Variants in NPC1 observed in about 807,000 individuals in gnomAD.
NPC1 encodes the protein NPC intracellular cholesterol transporter 1.
A neutral mutation model predicts 140.4 loss-of-function variants in NPC1; 85 were observed. The ratio of observed to expected loss-of-function variants is 0.61; its 90% CI spans 0.51 to 0.72. The LOEUF is 0.72. Among genes scored for constraint, NPC1 ranks in the 30% least tolerant of loss-of-function variants. The probability of loss-of-function intolerance (pLI) is 0.00; values close to 1 mark genes in which losing one functional copy is unlikely to be tolerated. For synonymous variants in NPC1, 656 were observed against 624.8 expected (o/e 1.05, Z -0.74); for missense variants, 1,504 against 1,623.8 (o/e 0.93, Z 1.27).
At chr18:23,514,557 CA>C (rs879753932) in intron 3 of NPC1, among the ~76,000 whole-genome samples, 2,392 of 132,912 alleles carry the variant, frequency 0.018, 49 homozygotes, top group African/African-American at 0.056. Context: ...AACTCCGTCT[CA>C]AAAAAAAAAA....
downstream of NPC1, among the ~76,000 whole-genome samples, chr18:23,522,018 G>A (rs556088213): frequency 7.9e-5 from 12 of 152,312 alleles, no homozygotes; most frequent in South Asian, 2.1e-4. Context: ...GGCATTGGGC[G>A]GGTTGACCCA....
chr18:23,535,423 A>G, intron 22 of NPC1, 46 bp downstream of exon 22: 1 of 1,364,492 alleles, frequency 7.3e-7, no homozygotes, highest in Non-Finnish European at 1.0e-6. Flanking sequence ...AATTCCCCCA[A>G]GTGAAACAGG....
intron 11 of NPC1, among the ~76,000 whole-genome samples, chr18:23,546,248 CAAAAAAAAAAAAAAAAAA>C (rs60021403): frequency 4.4e-5 from 2 of 45,548 alleles, no homozygotes; most frequent in African/African-American, 1.0e-4. Flanking sequence ...GACTCTGTCT[CAAAAAAAAAAAAAAAAAA>C]AAAAAAAAAA....
intron 10 of NPC1, among the ~76,000 whole-genome samples, chr18:23,551,214 C>A (rs2145431348): frequency 6.6e-6 from 1 of 152,324 alleles, no homozygotes; most frequent in African/African-American, 2.4e-5. Context: ...AATCCATCAA[C>A]TTTGTTTCTT....
At chr18:23,568,543 A>T (rs906493855) in intron 4 of NPC1, among the ~76,000 whole-genome samples, 1 of 152,220 alleles carries the variant, frequency 6.6e-6, no homozygotes, top group Non-Finnish European at 1.5e-5. Context: ...AGAGTCAAAG[A>T]TCCAATGGTT....
At chr18:23,535,790 T>G in intron 21 of NPC1, 90 bp from the exon 22 acceptor site, 1 of 874,406 alleles carries the variant, frequency 1.1e-6, no homozygotes, top group East Asian at 2.5e-5. Flanking sequence ...GTGGTCAGAC[T>G]CCTTTGGGAA....
chr18:23,539,831 G>A lies in NPC1; in HGVS notation c.2775C>T (p.Asn925=), dbSNP rs147419225. ...CTGACTAGTTGTCCAGCTGCGCCGCGTTAAATATCTGCTGCACCAGGGAAT... is the reference window on the plus strand; with the variant it reads ...CTGACTAGTTGTCCAGCTGCGCCGCATTAAATATCTGCTGCACCAGGGAAT... The part of the protein sequence containing the change: ...NNDSLVQQIF[N]AAQLDNYTRI... Residue 925 remains asparagine, a synonymous_variant, in exon 18 of 25, where the codon AAC becomes AAT. Transcript: ENST00000269228. 4.3e-5 allele frequency: 70 copies of A among 1,614,156 alleles called. No individual in the cohort carries two copies. The highest frequency in any genetic ancestry group is 9.3e-5 in the African/African-American group (7 of 75,032).
Position 23,557,100 on chromosome 18 carries a change from T to C in NPC1, c.955+17A>G. 3.8e-6 allele frequency: 6 copies of C among 1,595,652 alleles called. No individual in the cohort carries two copies. Among genetic ancestry groups the C allele is most frequent in the Middle Eastern group, 1.7e-4 (1 of 6,038 alleles). ...AGCATCATCTGAACCCTTTTATTCA[T>C]GGACAAATATGCCTACCTTTGTCAC... On this transcript the variant is annotated intron_variant, in intron 7 of 24. Coordinates refer to ENST00000269228, the MANE Select transcript of NPC1 (RefSeq NM_000271.5).
chr18:23,516,553 G>A (rs2058011211), intron 3 of NPC1: 4 of 891,186 alleles, frequency 4.5e-6, no homozygotes, highest in Middle Eastern at 2.2e-4. Context: ...CCCTTGTTCT[G>A]GGTATTCAGT....
chr18:23,543,394 A>T (rs2058739357), intron 14 of NPC1, 61 bp downstream of exon 14: 1 of 900,972 alleles, frequency 1.1e-6, no homozygotes, highest in Non-Finnish European at 1.9e-6. Flanking sequence ...TCAGGTAGCC[A>T]GCTCCTTCTT....
At position 23,561,538 on chromosome 18, in the gene NPC1, A is replaced by C. The variant is rs1279783521; in HGVS notation, c.464-11T>G. On this transcript the variant is annotated splice_polypyrimidine_tract_variant and intron_variant, in intron 4 of 24. Transcript: ENST00000269228. The stretch of plus-strand genomic sequence containing the variant: ...AGGCATTGTACATTGCTAGAAGAGG[A>C]AACCCAAAGGAAAAAGGAGACAAGA... 1.2e-6 allele frequency: 2 copies of C among 1,613,796 alleles called. No homozygotes were observed. The highest frequency in any genetic ancestry group is 8.5e-7 in the Non-Finnish European group (1 of 1,179,962).
Position 23,583,503 on chromosome 18 carries a change from A to T in NPC1, c.57+2784T>A, listed in dbSNP as rs558166431. ...AATGGGGCCCTGGAAGATGGGCAGG[A>T]TTTTGCTAGCAAGCAGTTCAATTTG... On this transcript the variant is annotated intron_variant, in intron 1 of 24. Transcript: ENST00000269228. Among the ~76,000 whole-genome samples, 16 of 152,206 alleles carry T rather than the reference A, an allele frequency of 1.1e-4. 2 individuals carry two copies. In the South Asian group the frequency reaches 3.3e-3, roughly 32 times the overall value.
chr18:23,576,439 G>A, intron 1 of NPC1: 2 of 984,310 alleles, frequency 2.0e-6, no homozygotes, highest in Non-Finnish European at 2.4e-6. Context: ...AAGTCATCCT[G>A]CCGAAAGAAG....
At chr18:23,538,129 A>C (rs2058659632) in intron 20 of NPC1, among the ~76,000 whole-genome samples, 1 of 152,204 alleles carries the variant, frequency 6.6e-6, no homozygotes, top group Non-Finnish European at 1.5e-5. Flanking sequence ...GGCTAAAAGA[A>C]TCGCAACCTT....
intron 9 of NPC1, among the ~76,000 whole-genome samples, chr18:23,554,327 T>A (rs148985397): frequency 1.3e-5 from 2 of 152,328 alleles, no homozygotes; most frequent in African/African-American, 4.8e-5. Flanking sequence ...AGCTTCCAGC[T>A]GGGCATGGAA....
At chr18:23,524,219 G>A (rs763089805) in intron 1 of NPC1, 1 of 1,606,378 alleles carries the variant, frequency 6.2e-7, no homozygotes, top group Non-Finnish European at 8.5e-7. Context: ...AGGGCAAGTG[G>A]TCACCCTCAG....
intron 1 of NPC1, among the ~76,000 whole-genome samples, chr18:23,574,009 T>C (rs928465843): frequency 4.6e-5 from 7 of 152,150 alleles, no homozygotes; most frequent in Admixed American, 1.3e-4. Context: ...ATGAGTAACA[T>C]GAAGAACAAA....
rs750323164 is a variant in NPC1, at chr18:23,534,463, C to CAAGT, written c.3570_3573dup (p.Ala1192ThrfsTer67). 5 of 1,613,360 alleles carry CAAGT rather than the reference C, an allele frequency of 3.1e-6. No homozygotes were observed. The highest frequency in any genetic ancestry group is 3.4e-6 in the Non-Finnish European group (4 of 1,179,818). Reference sequence around the variant, plus strand: ...GTACTCACGGAGCTGCCCATGTGGGCAAGTGCCTCTTCCGCGCGCTCCACG... The same window carrying CAAGT: ...GTACTCACGGAGCTGCCCATGTGGGCAAGTAAGTGCCTCTTCCGCGCGCTCCACG... On this transcript the variant is annotated frameshift_variant, in exon 23 of 25. Coordinates refer to ENST00000269228, the MANE Select transcript of NPC1 (RefSeq NM_000271.5). LOFTEE classifies it high-confidence loss of function.
chr18:23,534,638 G>A (rs1461949042), intron 22 of NPC1, 79 bp from the exon 23 acceptor site: 4 of 1,147,362 alleles, frequency 3.5e-6, no homozygotes, highest in Non-Finnish European at 5.1e-6. Context: ...GAGGATGGGT[G>A]CTAATTACCC....
Sources: allele counts gnomAD v4.1 joint callset (sites outside exome capture counted in the v4.1 genomes callset), GRCh38; gene constraint gnomAD v4.1.1; transcripts MANE v1.5; gene names NCBI Gene and HGNC (gene_info 2026-07-23, HGNC 2026-07-21).